Variants in XDH observed in about 807,000 individuals in gnomAD.
XDH encodes the protein xanthine dehydrogenase, also known as xanthine dehydrogenase/oxidase.
Under a neutral mutation model 156.1 loss-of-function variants are expected in XDH, and 138 were observed. That is an observed-to-expected ratio of 0.88 (90% CI 0.77 to 1.02). The LOEUF is 1.02. Among genes scored for constraint, XDH ranks in the 50% least tolerant of loss-of-function variants. XDH has a pLI of 0.00. For missense variants in XDH, 1,849 were observed against 1,684.9 expected, an observed-to-expected ratio of 1.10 and a Z score of -1.71; for synonymous variants, 669 against 625.7, an observed-to-expected ratio of 1.07 and a Z score of -1.03.
At chr2:31,341,020 G>C (rs772662290) in intron 33 of XDH, among the ~76,000 whole-genome samples, 7 of 152,146 alleles carry the variant, frequency 4.6e-5, no homozygotes, top group Non-Finnish European at 1.0e-4. Context: ...CCCATTCTAC[G>C]TTGTGCTCAC....
rs13419410 is a variant in XDH at position 31,349,866 on chromosome 2, C to T, written c.2824-35G>A. On this transcript the variant is annotated intron_variant, in intron 25 of 35. Transcript: ENST00000379416. ...GAGAGAGACACAGAGGCCTTGTTGG[C>T]GGCAAGAGACTGTGGGGGCAGGGCA... The T allele has an allele frequency of 0.051, 82,713 of 1,612,836 alleles. 3,012 individuals are homozygous for T. Among genetic ancestry groups the T allele is most frequent in the African/African-American group, 0.18 (13,132 of 74,922 alleles).
At chr2:31,412,129 A>G (rs1687358374) in intron 1 of XDH, among the ~76,000 whole-genome samples, 2 of 152,214 alleles carry the variant, frequency 1.3e-5, no homozygotes, top group Admixed American at 6.5e-5. Flanking sequence ...ACTACTCAGA[A>G]AAGCTAGAAT....
At position 31,405,731 on chromosome 2, in the gene XDH, C is replaced by A. The variant is rs187715580; in HGVS notation, c.100+176G>T. On this transcript the variant is annotated intron_variant, in intron 2 of 35. Coordinates refer to ENST00000379416, the MANE Select transcript of XDH (RefSeq NM_000379.4). ...CACAAACAATCCTCTCATTCAGTAG[C>A]TGAGAATTTCAGATTACAGGTGCAA... Among the ~76,000 whole-genome samples the A allele has an allele frequency of 4.3e-4, 65 of 152,272 alleles. 1 individual carries two copies. The East Asian group carries it at 0.012, about 29-fold the overall frequency.
chr2:31,388,099 G>A, intron 7 of XDH, 128 bp downstream of exon 7: 2 of 1,153,584 alleles, frequency 1.7e-6, no homozygotes, highest in Non-Finnish European at 2.6e-6. Flanking sequence ...CATCCCCACA[G>A]TCTGCCATCA....
At position 31,366,995 on chromosome 2, in the gene XDH, CT is replaced by C. The variant is rs752734495; in HGVS notation, c.2198-2del. On this transcript the variant is annotated splice_acceptor_variant, in intron 20 of 35. Coordinates refer to ENST00000379416, the MANE Select transcript of XDH (RefSeq NM_000379.4). LOFTEE classifies it high-confidence loss of function. ...TCTTGGCCACCGATGTATATCTCCC[CT>C]GGGGAAGCAGTGAGATCCCTCACAG... The C allele has an allele frequency of 1.2e-6, 2 of 1,614,036 alleles. No individual in the cohort carries two copies. The highest frequency in any genetic ancestry group is 1.3e-5 in the African/African-American group (1 of 74,948).
intron 12 of XDH, among the ~76,000 whole-genome samples, chr2:31,381,203 C>T (rs1164117329): frequency 1.3e-5 from 2 of 152,118 alleles, no homozygotes; most frequent in African/African-American, 4.8e-5. Context: ...ACCATGTTGG[C>T]CAGGCTGGTC....
chr2:31,360,135 T>A (rs1045237035), intron 24 of XDH, among the ~76,000 whole-genome samples: 5 of 152,262 alleles, frequency 3.3e-5, no homozygotes, highest in African/African-American at 4.8e-5. Context: ...TTCCGTAGTT[T>A]GTTAACCAAG....
intron 1 of XDH, among the ~76,000 whole-genome samples, chr2:31,410,030 T>A (rs1572575539): frequency 6.6e-6 from 1 of 152,242 alleles, no homozygotes; most frequent in Middle Eastern, 3.4e-3. Context: ...ATGTGATACA[T>A]CCATACAATG....
At chr2:31,337,588 C>T (rs1213910109) in intron 35 of XDH, 53 bp downstream of exon 35, 1 of 1,612,112 alleles carries the variant, frequency 6.2e-7, no homozygotes, top group Non-Finnish European at 8.5e-7. Flanking sequence ...TGCAGTTTGC[C>T]AGCCTATCCC....
chr2:31,367,932 A>C (rs1476638199), intron 20 of XDH, 29 bp downstream of exon 20: 7 of 1,610,512 alleles, frequency 4.3e-6, no homozygotes, highest in Non-Finnish European at 5.9e-6. Flanking sequence ...GGGCCACCCC[A>C]TTCCCACTGC....
At chr2:31,401,718 T>G (rs1687065798) in intron 3 of XDH, among the ~76,000 whole-genome samples, 1 of 152,226 alleles carries the variant, frequency 6.6e-6, no homozygotes, top group Non-Finnish European at 1.5e-5. Flanking sequence ...GGCTGTTCCT[T>G]AGCTTCCAAT....
chr2:31,401,209 CCT>C lies in XDH; in HGVS notation c.306+9_306+10del. On this transcript the variant is annotated intron_variant, in intron 4 of 35. Coordinates refer to ENST00000379416, the MANE Select transcript of XDH (RefSeq NM_000379.4). ...TGATCTCAAGAGCACAGCTCCCTTTCCTCTGTTTACCTGCACAGGATGCAGCC... is the reference window on the plus strand; with the variant it reads ...TGATCTCAAGAGCACAGCTCCCTTTCCTGTTTACCTGCACAGGATGCAGCC... 4 of 1,613,924 alleles carry C rather than the reference CCT, an allele frequency of 2.5e-6. No individual in the cohort carries two copies. Among genetic ancestry groups the C allele is most frequent in the African/African-American group, 1.3e-5 (1 of 75,060 alleles).
chr2:31,410,053 A>G (rs1277334398), intron 1 of XDH, among the ~76,000 whole-genome samples: 1 of 152,230 alleles, frequency 6.6e-6, no homozygotes, highest in Non-Finnish European at 1.5e-5. Flanking sequence ...ATATTATTCA[A>G]CCTGAGAAAG....
intron 5 of XDH, 126 bp from the exon 6 acceptor site, chr2:31,397,855 T>A: frequency 9.3e-7 from 1 of 1,074,978 alleles, no homozygotes; most frequent in Non-Finnish European, 1.4e-6. Context: ...TACCTCTGTC[T>A]GGAAGGCCTC....
At chr2:31,367,025 G>A (rs889324738) in intron 20 of XDH, 31 bp from the exon 21 acceptor site, 1 of 1,613,838 alleles carries the variant, frequency 6.2e-7, no homozygotes, top group African/African-American at 1.3e-5. Context: ...CTCACAGTGA[G>A]CCCAATGCTG....
At chr2:31,399,936 C>CT (rs1415959315) in intron 4 of XDH, among the ~76,000 whole-genome samples, 1 of 152,152 alleles carries the variant, frequency 6.6e-6, no homozygotes, top group Admixed American at 6.5e-5. Flanking sequence ...TATGTTTAAA[C>CT]TGTTTATTCT....
chr2:31,398,849 T>A, intron 4 of XDH, 150 bp from the exon 5 acceptor site: 1 of 1,320,796 alleles, frequency 7.6e-7, no homozygotes, highest in Non-Finnish European at 1.1e-6. Flanking sequence ...TTACCAACTG[T>A]GACCTTGGCC....
chr2:31,348,782 G>A lies in XDH; in HGVS notation c.3051+117C>T. On this transcript the variant is annotated intron_variant, in intron 27 of 35. Transcript: ENST00000379416. ...TCGACTTTCATTTAAAGAGCAAAGAGTTCCTCCAGTAAGCCCTGTTACCAG... is the reference window on the plus strand; with the variant it reads ...TCGACTTTCATTTAAAGAGCAAAGAATTCCTCCAGTAAGCCCTGTTACCAG... 3.3e-6 allele frequency: 3 copies of A among 900,576 alleles called. No homozygotes were observed. The South Asian group carries it at 4.2e-5, about 13-fold the overall frequency. 55.8% of individuals were successfully genotyped at this position (900,576 alleles called of 1,614,324 possible).
At chr2:31,382,182 C>T (rs1371161822) in intron 11 of XDH, among the ~76,000 whole-genome samples, 2 of 152,086 alleles carry the variant, frequency 1.3e-5, no homozygotes, top group Non-Finnish European at 2.9e-5. Flanking sequence ...ACAGGGTTCT[C>T]GTTATTAGAA....
Sources: gnomAD v4.1 joint callset for allele counts (sites outside exome capture counted in the v4.1 genomes callset) on GRCh38, gnomAD v4.1.1 for gene constraint, MANE v1.5 for transcripts, NCBI Gene and HGNC (gene_info 2026-07-23, HGNC 2026-07-21) for gene names.